Variants in KLF8 observed in about 807,000 individuals in gnomAD.
The protein encoded by KLF8 is KLF transcription factor 8, also known as Krueppel-like factor 8.
In KLF8, 10 loss-of-function variants were observed where a neutral mutation model predicts 18.2. The ratio of observed to expected loss-of-function variants is 0.55; its 90% CI spans 0.34 to 0.93. KLF8 has a LOEUF of 0.93. KLF8 is among the 40% of genes least tolerant of loss of function. The probability of loss-of-function intolerance (pLI) is 0.02; values close to 1 mark genes in which losing one functional copy is unlikely to be tolerated. For synonymous variants in KLF8, 109 were observed against 97.3 expected, an observed-to-expected ratio of 1.12 and a Z score of -0.71; for missense variants, 264 against 277.9, an observed-to-expected ratio of 0.95 and a Z score of 0.36.
chrX:56,073,935 C>T, the KLF8 span, among the ~76,000 whole-genome samples: 2 of 110,955 alleles, frequency 1.8e-5, no homozygotes, highest in African/African-American at 6.5e-5. Flanking sequence ...TTAGTAGAGA[C>T]GGGGGTTTCA....
chrX:56,183,344 C>A, the KLF8 span, among the ~76,000 whole-genome samples: 1 of 112,001 alleles, frequency 8.9e-6, no homozygotes, highest in South Asian at 3.7e-4. Flanking sequence ...GTGGGAGTTT[C>A]CTGATTTTCC....
At chrX:56,172,415 G>T in the KLF8 span, among the ~76,000 whole-genome samples, 1 of 111,119 alleles carries the variant, frequency 9.0e-6, no homozygotes, top group Non-Finnish European at 1.9e-5. Flanking sequence ...CTTCATCCAT[G>T]TCCCTACAAA....
the KLF8 span, among the ~76,000 whole-genome samples, chrX:56,217,419 C>A: frequency 7.3e-5 from 2 of 27,271 alleles, no homozygotes; most frequent in Admixed American, 2.7e-4. Flanking sequence ...TTTATTTATT[C>A]ATTTATTTTA....
chrX:56,187,810 A>G, the KLF8 span, among the ~76,000 whole-genome samples: 2 of 112,113 alleles, frequency 1.8e-5, no homozygotes, highest in Non-Finnish European at 3.8e-5. Context: ...ATGGCCTTTG[A>G]CAAAATTCAA....
chrX:56,247,592 T>C (rs768239937), intron 1 of KLF8, among the ~76,000 whole-genome samples: 11 of 111,710 alleles, frequency 9.8e-5, no homozygotes, highest in Non-Finnish European at 1.9e-4. Context: ...TTTTCTATTG[T>C]TAATTATTTT....
chrX:56,014,366 A>G, the KLF8 span, among the ~76,000 whole-genome samples: 2 of 112,638 alleles, frequency 1.8e-5, no homozygotes, highest in Non-Finnish European at 3.7e-5. Flanking sequence ...GCCAACAAAC[A>G]TATGGAAACA....
At chrX:56,104,160 G>T in the KLF8 span, among the ~76,000 whole-genome samples, 5 of 111,161 alleles carry the variant, frequency 4.5e-5, no homozygotes, top group African/African-American at 1.3e-4. Flanking sequence ...CAGGGATATT[G>T]GTCTGAAATT....
At chrX:56,041,678 TGTTGTTG>T in the KLF8 span, among the ~76,000 whole-genome samples, 1 of 108,931 alleles carries the variant, frequency 9.2e-6, no homozygotes, top group Non-Finnish European at 1.9e-5. Context: ...TTGTTGTTGT[TGTTGTTG>T]TTGTTGTTGT....
At chrX:56,101,499 G>A in the KLF8 span, among the ~76,000 whole-genome samples, 1 of 111,706 alleles carries the variant, frequency 9.0e-6, no homozygotes, top group Middle Eastern at 4.6e-3. Context: ...GGATTCCTTC[G>A]TCAAATGGTA....
At chrX:56,080,637 T>G in the KLF8 span, among the ~76,000 whole-genome samples, 1 of 111,071 alleles carries the variant, frequency 9.0e-6, no homozygotes, top group Non-Finnish European at 1.9e-5. Flanking sequence ...TTGGAGTTGC[T>G]GTTCTCGAGG....
chrX:56,112,086 T>G, the KLF8 span, among the ~76,000 whole-genome samples: 1 of 111,817 alleles, frequency 8.9e-6, no homozygotes, highest in South Asian at 3.8e-4. Flanking sequence ...CCAACCCAAA[T>G]GCCCATCAAT....
At chrX:56,067,874 G>A in the KLF8 span, among the ~76,000 whole-genome samples, 1 of 112,479 alleles carries the variant, frequency 8.9e-6, no homozygotes, top group Non-Finnish European at 1.9e-5. Context: ...TCCAATAGAG[G>A]CCAAAGTGGC....
chrX:56,177,719 G>T, the KLF8 span, among the ~76,000 whole-genome samples: 70 of 111,643 alleles, frequency 6.3e-4, no homozygotes, highest in African/African-American at 2.2e-3. Context: ...ACAGAGGCAG[G>T]CAGGCCTCCT....
chrX:56,120,281 C>A, the KLF8 span, among the ~76,000 whole-genome samples: 41 of 111,797 alleles, frequency 3.7e-4, no homozygotes, highest in African/African-American at 1.3e-3. Context: ...CCAGGGACTT[C>A]AAGCTACAGC....
At chrX:56,196,418 T>A in the KLF8 span, among the ~76,000 whole-genome samples, 1 of 107,246 alleles carries the variant, frequency 9.3e-6, no homozygotes, top group South Asian at 4.0e-4. Flanking sequence ...CAAAAAAAAA[T>A]AAAAATAAAT....
chrX:55,939,745 C>T, the KLF8 span, among the ~76,000 whole-genome samples: 1 of 111,884 alleles, frequency 8.9e-6, no homozygotes, highest in African/African-American at 3.3e-5. Context: ...ATACTATAAA[C>T]ACCTCCACGC....
chrX:55,998,482 G>A, the KLF8 span, among the ~76,000 whole-genome samples: 7 of 112,286 alleles, frequency 6.2e-5, no homozygotes, highest in Non-Finnish European at 1.1e-4. Context: ...ATTAGGGAGT[G>A]GTGATGACTC....
chrX:55,947,515 A>G, the KLF8 span, among the ~76,000 whole-genome samples: 6 of 106,890 alleles, frequency 5.6e-5, no homozygotes, highest in Middle Eastern at 4.7e-3. Flanking sequence ...GAGGGATAGC[A>G]TTAGGAGATA....
the KLF8 span, among the ~76,000 whole-genome samples, chrX:55,947,356 A>T: frequency 9.1e-6 from 1 of 109,572 alleles, no homozygotes; most frequent in East Asian, 2.9e-4. Context: ...ATGAAATTGG[A>T]AATCATCATT....
Sources: gnomAD v4.1 joint callset for allele counts (sites outside exome capture counted in the v4.1 genomes callset) on GRCh38, gnomAD v4.1.1 for gene constraint, MANE v1.5 for transcripts, NCBI Gene and HGNC (gene_info 2026-07-23, HGNC 2026-07-21) for gene names.